STK3: variants seen among roughly 807,000 people sequenced by gnomAD.
STK3 encodes the protein serine/threonine kinase 3, also known as serine/threonine-protein kinase 3.
Under a neutral mutation model 58.0 loss-of-function variants are expected in STK3, and 41 were observed. The observed-to-expected ratio is 0.71, with a 90% CI of 0.55 to 0.92. The LOEUF (loss-of-function observed/expected upper bound fraction) is 0.92. Ranked by LOEUF, STK3 falls within the 40% of genes least tolerant of loss-of-function variation. STK3 has a pLI of 0.00. For synonymous variants in STK3, 170 were observed against 191.0 expected, an observed-to-expected ratio of 0.89 and a Z score of 0.91; for missense variants, 479 against 602.7, an observed-to-expected ratio of 0.79 and a Z score of 2.15.
intron 1 of STK3, among the ~76,000 whole-genome samples, chr8:98,903,558 T>TC (rs1564093759): frequency 1.5e-4 from 10 of 68,828 alleles, no homozygotes; most frequent in African/African-American, 3.7e-4. Flanking sequence ...TTCTTCTTCC[T>TC]TTTTTTTTTT....
intron 4 of STK3, among the ~76,000 whole-genome samples, chr8:98,739,064 T>G (rs1306963776): frequency 6.6e-6 from 1 of 152,254 alleles, no homozygotes; most frequent in Non-Finnish European, 1.5e-5. Context: ...TGCCCAAGCT[T>G]GCTTAGGTAA....
chr8:98,427,777 C>A (rs548776392), intron 3 of STK3: 235 of 554,076 alleles, frequency 4.2e-4, no homozygotes, highest in Non-Finnish European at 6.6e-4. Context: ...CACCCCCAGC[C>A]TTTCCTGGGA....
intron 6 of STK3, among the ~76,000 whole-genome samples, chr8:98,663,716 T>C (rs1383616476): frequency 6.6e-6 from 1 of 152,178 alleles, no homozygotes; most frequent in African/African-American, 2.4e-5. Context: ...TTCATGTCCT[T>C]TGTAGGGACA....
At chr8:98,766,904 C>T (rs895715191) in intron 3 of STK3, among the ~76,000 whole-genome samples, 2 of 152,146 alleles carry the variant, frequency 1.3e-5, no homozygotes, top group African/African-American at 4.8e-5. Flanking sequence ...GGGTGGATCA[C>T]CTGAGGTCAG....
At chr8:98,764,519 G>A (rs2131428525) in intron 3 of STK3, among the ~76,000 whole-genome samples, 1 of 152,268 alleles carries the variant, frequency 6.6e-6, no homozygotes, top group African/African-American at 2.4e-5. Flanking sequence ...ATCATAAAAA[G>A]GAATAAAGAT....
chr8:98,400,026 T>A (rs1038424776), downstream of STK3, among the ~76,000 whole-genome samples: 4 of 152,194 alleles, frequency 2.6e-5, no homozygotes, highest in African/African-American at 4.8e-5. Context: ...TGATAGAAGC[T>A]GCTACCCACG....
At chr8:98,453,654 G>C (rs891674853), downstream of STK3, among the ~76,000 whole-genome samples, 5 of 152,178 alleles carry the variant, frequency 3.3e-5, no homozygotes, top group African/African-American at 9.7e-5. Flanking sequence ...TGGAACACTT[G>C]ACATATTAAA....
chr8:98,876,541 G>A (rs1019447490), intron 3 of STK3, among the ~76,000 whole-genome samples: 1 of 152,140 alleles, frequency 6.6e-6, no homozygotes, highest in Non-Finnish European at 1.5e-5. Flanking sequence ...AAAGGCATAG[G>A]CAAGAGAGGC....
downstream of STK3, among the ~76,000 whole-genome samples, chr8:98,397,971 C>A (rs1180738145): frequency 1.3e-5 from 2 of 152,186 alleles, no homozygotes; most frequent in African/African-American, 4.8e-5. Context: ...AACCTCTTTT[C>A]TTCATAAATA....
intron 3 of STK3, among the ~76,000 whole-genome samples, chr8:98,417,532 TAAAC>T (rs780001949): frequency 5.3e-5 from 8 of 151,352 alleles, no homozygotes; most frequent in Non-Finnish European, 8.8e-5. Flanking sequence ...AATAAATAAA[TAAAC>T]AAACAAACAA....
At chr8:98,457,204 T>C (rs1819561167) in intron 10 of STK3, among the ~76,000 whole-genome samples, 1 of 152,242 alleles carries the variant, frequency 6.6e-6, no homozygotes, top group South Asian at 2.1e-4. Context: ...TACATTTATA[T>C]ATCATATGTA....
chr8:98,560,229 T>C (rs1811901512), intron 8 of STK3, among the ~76,000 whole-genome samples: 1 of 152,054 alleles, frequency 6.6e-6, no homozygotes, highest in East Asian at 1.9e-4. Context: ...GAGGTCTAGT[T>C]AGTACAATAA....
chr8:98,794,259 G>A (rs1045402733), intron 1 of STK3, among the ~76,000 whole-genome samples: 10 of 152,016 alleles, frequency 6.6e-5, no homozygotes, highest in East Asian at 5.8e-4. Flanking sequence ...AAACAAGACC[G>A]ACAGACTGCA....
chr8:98,582,942 A>T (rs1311661943), intron 7 of STK3, among the ~76,000 whole-genome samples: 6 of 152,110 alleles, frequency 3.9e-5, no homozygotes, highest in African/African-American at 1.2e-4. Context: ...TGTAACATAC[A>T]ATGCTATATT....
chr8:98,844,091 G>T, intron 3 of STK3, among the ~76,000 whole-genome samples: 1 of 152,310 alleles, frequency 6.6e-6, no homozygotes, highest in South Asian at 2.1e-4. Context: ...AGGAGTTCAA[G>T]GCTATGGTTG....
At chr8:98,506,868 T>G (rs1022287506) in intron 10 of STK3, among the ~76,000 whole-genome samples, 1 of 152,168 alleles carries the variant, frequency 6.6e-6, no homozygotes, top group African/African-American at 2.4e-5. Context: ...TAGTTCAAAT[T>G]TCCCCAGAGA....
intron 6 of STK3, among the ~76,000 whole-genome samples, chr8:98,653,859 A>AT (rs1821207558): frequency 6.6e-6 from 1 of 152,178 alleles, no homozygotes; most frequent in Non-Finnish European, 1.5e-5. Context: ...CCAACCAAAA[A>AT]AACTCCAGGA....
At chr8:98,658,792 A>G (rs578195446) in intron 6 of STK3, among the ~76,000 whole-genome samples, 2 of 152,168 alleles carry the variant, frequency 1.3e-5, no homozygotes, top group East Asian at 3.9e-4. Context: ...AGAATTACTA[A>G]TGAGACAAAT....
intron 6 of STK3, among the ~76,000 whole-genome samples, chr8:98,651,145 C>A (rs946418358): frequency 6.6e-6 from 1 of 152,216 alleles, no homozygotes; most frequent in Non-Finnish European, 1.5e-5. Context: ...TGAGACAAAA[C>A]TTCCAGAGGA....
Sources: gnomAD v4.1 joint callset for allele counts (sites outside exome capture counted in the v4.1 genomes callset) on GRCh38, gnomAD v4.1.1 for gene constraint, MANE v1.5 for transcripts, NCBI Gene and HGNC (gene_info 2026-07-23, HGNC 2026-07-21) for gene names.